COL6A6: variants seen among roughly 807,000 people sequenced by gnomAD.
The protein encoded by COL6A6 is collagen alpha-6(VI) chain.
In COL6A6, 183 loss-of-function variants were observed where a neutral mutation model predicts 208.6. The observed-to-expected ratio is 0.88, with a 90% confidence interval of 0.78 to 0.99. The LOEUF (loss-of-function observed/expected upper bound fraction) is 0.99, where lower values mean the gene tolerates loss of function less well. Among genes scored for constraint, COL6A6 ranks in the 50% least tolerant of loss-of-function variants. The pLI, the probability that COL6A6 is intolerant of heterozygous loss-of-function variation, is 0.00. For synonymous variants in COL6A6, 973 were observed against 1,011.8 expected (o/e 0.96, Z 0.73); for missense variants, 2,816 against 2,815.2 (o/e 1.00, Z -0.01).
At position 130,650,958 on chromosome 3, in the gene COL6A6, G is replaced by A. The variant is rs986827569; in HGVS notation, c.5733+1396G>A. Among the ~76,000 whole-genome samples the A allele has an allele frequency of 3.9e-5, 6 of 152,224 alleles. No homozygotes were observed. The East Asian group carries it at 1.2e-3, about 29-fold the overall frequency. On this transcript the variant is annotated intron_variant, in intron 33 of 36. Transcript: ENST00000358511. Reference sequence around the variant, plus strand: ...TTAGAGGCTAAAAGTGGCCTTTTGAGGCCATTTCCACTGTTCTAAATTTTC... The same window carrying A: ...TTAGAGGCTAAAAGTGGCCTTTTGAAGCCATTTCCACTGTTCTAAATTTTC...
chr3:130,659,416 A>T (rs1438988261), intron 34 of COL6A6, among the ~76,000 whole-genome samples: 1 of 152,208 alleles, frequency 6.6e-6, no homozygotes, highest in East Asian at 1.9e-4. Context: ...AATAGCTAAG[A>T]GATATAAAGC....
At chr3:130,530,311 G>A (rs143043096) in intron 1 of COL6A6, among the ~76,000 whole-genome samples, 118 of 151,526 alleles carry the variant, frequency 7.8e-4, no homozygotes, top group African/African-American at 2.7e-3. Flanking sequence ...ATTAGGGTAT[G>A]GACTCTGAAG....
intron 23 of COL6A6, among the ~76,000 whole-genome samples, chr3:130,617,317 G>C (rs1291412203): frequency 6.6e-6 from 1 of 152,182 alleles, no homozygotes; most frequent in Non-Finnish European, 1.5e-5. Flanking sequence ...CATGTGACCT[G>C]CTGAATGTTA....
rs567173106 is a variant in COL6A6, at chr3:130,594,585, G to A, written c.4533+242G>A. On this transcript the variant is annotated intron_variant, in intron 18 of 36. Coordinates refer to ENST00000358511, the MANE Select transcript of COL6A6 (RefSeq NM_001102608.3). ...ATTTTGTAAATACATACTCAGAATT[G>A]TTTTTGTGCTTCAAAACAATGAAGA... Among the ~76,000 whole-genome samples the A allele has an allele frequency of 4.7e-4, 72 of 152,270 alleles. No homozygotes were observed. The South Asian group carries it at 0.015, about 32-fold the overall frequency.
Position 130,568,339 on chromosome 3 carries a change from C to T in COL6A6, c.2136C>T (p.Phe712=). The part of the protein sequence containing the change: ...GSALSFVSQY[F]SPTKGARPNI... Reference sequence around the variant, plus strand: ...CCCTGAGCTTTGTGTCTCAGTACTTCAGCCCCACCAAGGGCGCCCGGCCCA... The same window carrying T: ...CCCTGAGCTTTGTGTCTCAGTACTTTAGCCCCACCAAGGGCGCCCGGCCCA... Residue 712 remains phenylalanine (F), a synonymous_variant, in exon 6 of 37, where the codon TTC becomes TTT. Transcript: ENST00000358511. 1.2e-6 allele frequency: 2 copies of T among 1,614,012 alleles called. No homozygotes were observed. The highest frequency in any genetic ancestry group is 2.2e-5 in the South Asian group (2 of 91,080).
At chr3:130,607,337 C>T (rs1288998189) in intron 21 of COL6A6, among the ~76,000 whole-genome samples, 1 of 152,068 alleles carries the variant, frequency 6.6e-6, no homozygotes, top group Non-Finnish European at 1.5e-5. Context: ...TACAATAAAA[C>T]TCTTGTACAA....
At chr3:130,536,486 C>T (rs937909) in intron 1 of COL6A6, among the ~76,000 whole-genome samples, 118,143 of 152,128 alleles carry the variant, frequency 0.78, 47,077 homozygotes, top group Non-Finnish European at 0.87. Flanking sequence ...GATTCGCTGA[C>T]GAAGACAAGT....
At chr3:130,598,842 C>T (rs944765521) in intron 19 of COL6A6, among the ~76,000 whole-genome samples, 14 of 152,188 alleles carry the variant, frequency 9.2e-5, no homozygotes, top group African/African-American at 3.4e-4. Flanking sequence ...GGTAGATAGA[C>T]GTGGTCCACA....
intron 18 of COL6A6, among the ~76,000 whole-genome samples, chr3:130,596,589 G>T (rs1169040118): frequency 6.6e-6 from 1 of 152,148 alleles, no homozygotes; most frequent in Non-Finnish European, 1.5e-5. Flanking sequence ...GCATGTAAAT[G>T]ATGCTAATTT....
At chr3:130,616,795 A>G (rs1195193461) in intron 23 of COL6A6, among the ~76,000 whole-genome samples, 1 of 152,148 alleles carries the variant, frequency 6.6e-6, no homozygotes, top group Non-Finnish European at 1.5e-5. Flanking sequence ...ACTGCCTAGC[A>G]TTGATTCCTA....
chr3:130,543,887 A>G (rs923651099), intron 1 of COL6A6, among the ~76,000 whole-genome samples: 1 of 152,106 alleles, frequency 6.6e-6, no homozygotes, highest in Non-Finnish European at 1.5e-5. Flanking sequence ...AGTTATCTCA[A>G]TTTTTGTTTG....
chr3:130,658,693 A>G lies in COL6A6; in HGVS notation c.5751A>G (p.Thr1917=), dbSNP rs199877578. The part of the protein sequence containing the change: ...RRAFAIDDTG[T]FQVIVVPSGA... Reference sequence around the variant, plus strand: ...TCTTTTAGATTGACGACACTGGCACATTTCAAGTAATAGTGGTTCCCTCCG... The same window carrying G: ...TCTTTTAGATTGACGACACTGGCACGTTTCAAGTAATAGTGGTTCCCTCCG... The change falls in exon 34 of 37, where the codon ACA becomes ACG. Residue 1917 remains threonine, a synonymous_variant. Transcript: ENST00000358511. 14 of 1,612,734 alleles carry G rather than the reference A, an allele frequency of 8.7e-6. No homozygotes were observed. In the African/African-American group the frequency reaches 1.5e-4, roughly 17 times the overall value.
intron 22 of COL6A6, among the ~76,000 whole-genome samples, chr3:130,609,952 CTTTTTTT>C (rs1054764231): frequency 2.6e-5 from 3 of 116,294 alleles, no homozygotes; most frequent in Non-Finnish European, 5.5e-5. Flanking sequence ...GGAAAGCTCA[CTTTTTTT>C]TTTTTTTTTT....
intron 17 of COL6A6, 104 bp downstream of exon 17, chr3:130,593,356 A>G: frequency 2.2e-6 from 2 of 890,768 alleles, no homozygotes; most frequent in East Asian, 2.5e-5. Context: ...CTGTTTTGTG[A>G]CAGTCATAAA....
chr3:130,627,609 T>C (rs2064930066), intron 26 of COL6A6, among the ~76,000 whole-genome samples: 1 of 152,240 alleles, frequency 6.6e-6, no homozygotes, highest in Admixed American at 6.5e-5. Flanking sequence ...TGCAGTGATA[T>C]GCGGCCCTAG....
intron 36 of COL6A6, among the ~76,000 whole-genome samples, chr3:130,672,934 CG>C (rs910064534): frequency 6.7e-6 from 1 of 149,098 alleles, no homozygotes; most frequent in Non-Finnish European, 1.5e-5. Flanking sequence ...ACTCGAAACC[CG>C]GGGGGGCAAA....
At chr3:130,627,005 C>T (rs557780580) in intron 25 of COL6A6, among the ~76,000 whole-genome samples, 1 of 152,228 alleles carries the variant, frequency 6.6e-6, no homozygotes, top group East Asian at 1.9e-4. Flanking sequence ...ATACTATTAT[C>T]TCCTCTTATT....
chr3:130,648,260 T>C (rs1325840439), intron 32 of COL6A6, among the ~76,000 whole-genome samples: 1 of 152,242 alleles, frequency 6.6e-6, no homozygotes, highest in Non-Finnish European at 1.5e-5. Context: ...CAAAAATGTA[T>C]CTGTTAAAGC....
Position 130,567,241 on chromosome 3 carries a change from C to G in COL6A6, c.1822C>G (p.Gln608Glu). 6.2e-7 allele frequency: 1 copy of G among 1,610,874 alleles called. No homozygotes were observed. The highest frequency in any genetic ancestry group is 8.5e-7 in the Non-Finnish European group (1 of 1,178,528). The change falls in exon 5 of 37, where the codon CAA becomes GAA. Residue 608 changes from glutamine (Q) to glutamate (E), a missense_variant. Coordinates refer to ENST00000358511, the MANE Select transcript of COL6A6 (RefSeq NM_001102608.3). ...ALKDIRNQVV[Q>E]EICTEEACKE... ...GAAAGACATAAGAAACCAAGTTGTT[C>G]AAGAAATCTGTACTGAAGAAGGTAA...
Sources: gnomAD v4.1 joint callset for allele counts (sites outside exome capture counted in the v4.1 genomes callset) on GRCh38, gnomAD v4.1.1 for gene constraint, MANE v1.5 for transcripts, NCBI Gene and HGNC (gene_info 2026-07-23, HGNC 2026-07-21) for gene names.